The following PTPRN2 variants were observed in gnomAD, a reference collection of about 807,000 sequenced individuals.
The protein encoded by PTPRN2 is protein tyrosine phosphatase receptor type N2, also known as receptor-type tyrosine-protein phosphatase N2.
PTPRN2 carries 74 observed loss-of-function variants against 118.8 expected under a neutral mutation model. The ratio of observed to expected loss-of-function variants is 0.62; its 90% CI spans 0.52 to 0.76. The LOEUF is 0.76. Ranked by LOEUF, PTPRN2 falls within the 30% of genes least tolerant of loss-of-function variation. The pLI is 0.00. For synonymous variants in PTPRN2, 641 were observed against 608.0 expected (o/e 1.05, Z -0.80); for missense variants, 1,481 against 1,394.4 (o/e 1.06, Z -0.99).
intron 2 of PTPRN2, among the ~76,000 whole-genome samples, chr7:158,324,707 C>G (rs1288624680): frequency 1.2e-4 from 2 of 17,340 alleles, no homozygotes; most frequent in Non-Finnish European, 4.0e-4. Context: ...GGCTCTGCTG[C>G]CCAGGGTGCC....
At chr7:158,420,171 G>T (rs111514047) in intron 2 of PTPRN2, among the ~76,000 whole-genome samples, 77 of 152,256 alleles carry the variant, frequency 5.1e-4, no homozygotes, top group African/African-American at 1.6e-3. Context: ...TCCCAAGGCA[G>T]GCAGGACACA....
chr7:157,945,887 G>A (rs1800457093), intron 11 of PTPRN2, among the ~76,000 whole-genome samples: 1 of 152,086 alleles, frequency 6.6e-6, no homozygotes, highest in Admixed American at 6.5e-5. Context: ...AACAGCTGGG[G>A]CATTCTCAGG....
chr7:158,270,975 A>G lies in PTPRN2; in HGVS notation c.277+45844T>C, dbSNP rs1041258432. On this transcript the variant is annotated intron_variant, in intron 3 of 22. Transcript: ENST00000389418. ...CCTGGACCACCCCTCCACCTGGACC[A>G]CCCCCTCCACCTGGGCCTCCCCATC... Among the ~76,000 whole-genome samples the G allele has an allele frequency of 6.6e-3, 82 of 12,366 alleles. 1 individual carries two copies. The highest frequency in any genetic ancestry group is 0.071 in the Middle Eastern group (1 of 14). 8.1% of individuals were successfully genotyped at this position (12,366 alleles called of 152,430 possible).
intron 11 of PTPRN2, among the ~76,000 whole-genome samples, chr7:158,058,870 C>A (rs1810045673): frequency 8.1e-6 from 1 of 123,534 alleles, no homozygotes; most frequent in Admixed American, 7.5e-5. Context: ...CACACTCCAT[C>A]TGCCCACAGT....
At chr7:158,148,990 A>T (rs1370484524) in intron 6 of PTPRN2, among the ~76,000 whole-genome samples, 4 of 83,256 alleles carry the variant, frequency 4.8e-5, no homozygotes, top group Non-Finnish European at 6.8e-5. Flanking sequence ...CTCACGCCAC[A>T]CATCTTTCCC....
intron 1 of PTPRN2, among the ~76,000 whole-genome samples, chr7:158,494,170 C>T (rs1226669110): frequency 6.6e-6 from 1 of 152,238 alleles, no homozygotes; most frequent in African/African-American, 2.4e-5. Flanking sequence ...ACAGAGCCCA[C>T]CACCTCTCTC....
At chr7:157,841,472 C>T (rs1168928506) in intron 12 of PTPRN2, among the ~76,000 whole-genome samples, 2 of 152,184 alleles carry the variant, frequency 1.3e-5, no homozygotes, top group African/African-American at 4.8e-5. Context: ...TCCCACCCCA[C>T]CCGCAGGTGA....
At chr7:158,040,518 A>G (rs532256361) in intron 11 of PTPRN2, among the ~76,000 whole-genome samples, 20 of 152,364 alleles carry the variant, frequency 1.3e-4, no homozygotes, top group African/African-American at 4.6e-4. Flanking sequence ...TACCTTACCC[A>G]TAGAAAAGCA....
intron 13 of PTPRN2, among the ~76,000 whole-genome samples, chr7:157,670,289 G>A (rs1796347180): frequency 2.0e-5 from 3 of 152,144 alleles, no homozygotes; most frequent in Admixed American, 1.3e-4. Context: ...AGTGACCGAC[G>A]TGCTGAAACC....
chr7:157,998,451 G>A (rs559452781), intron 11 of PTPRN2, among the ~76,000 whole-genome samples: 1 of 152,336 alleles, frequency 6.6e-6, no homozygotes, highest in South Asian at 2.1e-4. Context: ...TCTGCCGTGA[G>A]AGGAGCCCGT....
intron 12 of PTPRN2, among the ~76,000 whole-genome samples, chr7:157,836,906 C>T (rs1243613907): frequency 6.6e-6 from 1 of 151,884 alleles, no homozygotes; most frequent in Non-Finnish European, 1.5e-5. Flanking sequence ...ATCCATCTAC[C>T]CACCCACCCT....
chr7:157,674,722 G>A lies in PTPRN2; in HGVS notation c.2001+8003C>T, dbSNP rs1396931689. 6.6e-6 allele frequency among the ~76,000 whole-genome samples: 1 copy of A among 152,204 alleles called. No homozygotes were observed. The highest frequency in any genetic ancestry group is 2.4e-5 in the African/African-American group (1 of 41,456). ...CTGAGGACCCTCGGCCCCAAGGTGA[G>A]GCCCCGCGCAGGTACCTCTGTACAC... is the stretch of plus-strand genomic sequence containing the variant. On this transcript the variant is annotated intron_variant, in intron 13 of 22. Transcript: ENST00000389418. This position sits in a 1 kb window ranked among gnomAD's most constrained non-coding sequence, Gnocchi z 4.5.
intron 11 of PTPRN2, among the ~76,000 whole-genome samples, chr7:157,968,868 T>C (rs913602744): frequency 2.0e-5 from 3 of 152,236 alleles, no homozygotes. Flanking sequence ...ACTAATTTTA[T>C]ATCCATGCAT....
intron 12 of PTPRN2, among the ~76,000 whole-genome samples, chr7:157,776,812 C>T (rs1164498360): frequency 9.9e-6 from 1 of 101,382 alleles, no homozygotes; most frequent in Non-Finnish European, 2.1e-5. Flanking sequence ...TCCTCCTCCA[C>T]TTCCTCCTCC....
chr7:158,064,745 A>G (rs529864812), intron 11 of PTPRN2, among the ~76,000 whole-genome samples: 1 of 151,942 alleles, frequency 6.6e-6, no homozygotes, highest in South Asian at 2.1e-4. Flanking sequence ...CAGGGGAGGG[A>G]AGAGAAAGGG....
chr7:157,718,432 C>T (rs938739663), intron 12 of PTPRN2, among the ~76,000 whole-genome samples: 2 of 152,200 alleles, frequency 1.3e-5, no homozygotes, highest in Non-Finnish European at 2.9e-5. Context: ...TCTACGGTGG[C>T]TTCACAGGGC....
intron 13 of PTPRN2, among the ~76,000 whole-genome samples, chr7:157,663,632 G>T (rs567321141): frequency 2.8e-4 from 43 of 152,126 alleles, no homozygotes; most frequent in Non-Finnish European, 5.6e-4. Context: ...CTCACAGTGG[G>T]GACCGGCCCC....
intron 12 of PTPRN2, among the ~76,000 whole-genome samples, chr7:157,709,342 C>T (rs1476094126): frequency 6.6e-6 from 1 of 152,228 alleles, no homozygotes; most frequent in Non-Finnish European, 1.5e-5. Flanking sequence ...AAGAAAATGA[C>T]AAAGACGATT....
rs1352491066 is a variant in PTPRN2, at chr7:158,171,115, CACACATATAT to C, written c.550-3834_550-3825del. 7.0e-4 allele frequency among the ~76,000 whole-genome samples: 62 copies of C among 88,834 alleles called. 1 individual carries two copies. The highest frequency in any genetic ancestry group is 9.9e-4 in the Admixed American group (9 of 9,054). 58.3% of individuals were successfully genotyped at this position (88,834 alleles called of 152,430 possible). A position where few individuals can be genotyped will look rare whatever the true frequency, so the allele number is the denominator to read the frequency against. On this transcript the variant is annotated intron_variant, in intron 5 of 22. Coordinates refer to ENST00000389418, the MANE Select transcript of PTPRN2 (RefSeq NM_002847.5). ...ACATATATATATACACATATATATA[CACACATATAT>C]ACACATATATACACACATATATATA...
Sources: gnomAD v4.1 joint callset for allele counts (sites outside exome capture counted in the v4.1 genomes callset) on GRCh38, gnomAD v4.1.1 for gene constraint, Gnocchi (gnomAD v3.1) non-coding constraint, MANE v1.5 for transcripts, NCBI Gene and HGNC (gene_info 2026-07-23, HGNC 2026-07-21) for gene names.